The following KAZN variants were observed in gnomAD, a reference collection of about 807,000 sequenced individuals.
The protein encoded by KAZN is kazrin, periplakin interacting protein, also known as kazrin.
KAZN carries 40 observed loss-of-function variants against 87.4 expected under a neutral mutation model. The observed-to-expected ratio is 0.46, with a 90% CI of 0.36 to 0.60. The LOEUF is 0.60. Ranked by LOEUF, KAZN falls within the 20% of genes least tolerant of loss-of-function variation. The probability of loss-of-function intolerance (pLI) is 0.00; values close to 1 mark genes in which losing one functional copy is unlikely to be tolerated. For synonymous variants in KAZN, 466 were observed against 458.3 expected (o/e 1.02, Z -0.22); for missense variants, 898 against 1,073.9 (o/e 0.84, Z 2.29).
chr1:14,793,901 C>T (rs778193005), intron 1 of KAZN, among the ~76,000 whole-genome samples: 11 of 152,180 alleles, frequency 7.2e-5, no homozygotes, highest in Non-Finnish European at 1.3e-4. Flanking sequence ...CTCCCCAGGC[C>T]GTGCCCTCGC....
At chr1:14,881,810 T>G (rs41491744) in intron 1 of KAZN, among the ~76,000 whole-genome samples, 5,164 of 152,300 alleles carry the variant, frequency 0.034, 120 homozygotes, top group Non-Finnish European at 0.047. Flanking sequence ...GGGATAAGAT[T>G]ACTATTTTCT....
At chr1:14,691,693 G>T (rs539889167) in intron 1 of KAZN, among the ~76,000 whole-genome samples, 60 of 152,144 alleles carry the variant, frequency 3.9e-4, no homozygotes, top group Admixed American at 8.5e-4. Context: ...TGCCATGTTG[G>T]CCAGGCTGGT....
At chr1:14,511,280 G>A (rs1670891257) in intron 2 of KAZN, among the ~76,000 whole-genome samples, 1 of 152,140 alleles carries the variant, frequency 6.6e-6, no homozygotes, top group African/African-American at 2.4e-5. Context: ...ACTTTACCCA[G>A]GAGAGACACA....
At chr1:14,652,833 G>A (rs537146004) in intron 1 of KAZN, among the ~76,000 whole-genome samples, 2 of 151,968 alleles carry the variant, frequency 1.3e-5, no homozygotes, top group South Asian at 4.2e-4. Flanking sequence ...TCAAGTTGGG[G>A]AGATTTTGCT....
Position 14,107,707 on chromosome 1 carries a change from G to A in KAZN, c.92-72728G>A, listed in dbSNP as rs563210756. On this transcript the variant is annotated intron_variant, in intron 1 of 16. Coordinates refer to the KAZN transcript ENST00000636203. ...GGAGATCCTATGAGATAGGGTGGGC[G>A]GAAGCTCCATTTTAACCAGATCATG... is the stretch of plus-strand genomic sequence containing the variant. 7.1e-4 allele frequency among the ~76,000 whole-genome samples: 108 copies of A among 152,222 alleles called. 1 individual carries two copies. The highest frequency in any genetic ancestry group is 2.5e-3 in the African/African-American group (102 of 41,512).
chr1:15,064,352 C>T (rs1444442330), intron 7 of KAZN, among the ~76,000 whole-genome samples: 1 of 152,136 alleles, frequency 6.6e-6, no homozygotes, highest in East Asian at 1.9e-4. Flanking sequence ...TTCTGATCCA[C>T]CAGGTACAGG....
chr1:14,294,382 T>C (rs1653953362), intron 2 of KAZN, among the ~76,000 whole-genome samples: 1 of 152,102 alleles, frequency 6.6e-6, no homozygotes, highest in African/African-American at 2.4e-5. Flanking sequence ...TATACTGCAG[T>C]CTCAAAAACA....
chr1:15,071,407 A>G (rs1179703675), intron 8 of KAZN, among the ~76,000 whole-genome samples: 1 of 151,986 alleles, frequency 6.6e-6, no homozygotes, highest in Non-Finnish European at 1.5e-5. Flanking sequence ...ATGCATCACC[A>G]CACCCGGCTA....
intron 2 of KAZN, among the ~76,000 whole-genome samples, chr1:15,002,449 G>A (rs1053751296): frequency 6.6e-6 from 1 of 152,184 alleles, no homozygotes. Context: ...TCGTGCCATA[G>A]AGAGGACAGC....
intron 1 of KAZN, among the ~76,000 whole-genome samples, chr1:14,755,968 T>C (rs1173954909): frequency 6.6e-6 from 1 of 152,162 alleles, no homozygotes; most frequent in Non-Finnish European, 1.5e-5. Context: ...GTGTCTAGAA[T>C]GGTACCAAGG....
intron 1 of KAZN, among the ~76,000 whole-genome samples, chr1:14,001,985 G>C (rs1639812997): frequency 6.6e-6 from 1 of 152,100 alleles, no homozygotes; most frequent in Admixed American, 6.6e-5. Context: ...TGCAACAAAA[G>C]CCAAAATTGG....
intron 2 of KAZN, among the ~76,000 whole-genome samples, chr1:14,482,157 G>A (rs188991345): frequency 1.2e-3 from 189 of 152,312 alleles, no homozygotes; most frequent in Non-Finnish European, 2.4e-3. Context: ...CTCCGGGACA[G>A]GTGCCATCTA....
At chr1:14,363,736 G>A (rs1457175574) in intron 2 of KAZN, among the ~76,000 whole-genome samples, 1 of 152,152 alleles carries the variant, frequency 6.6e-6, no homozygotes, top group Non-Finnish European at 1.5e-5. Flanking sequence ...AAGAACAAGA[G>A]ACAGTGACCA....
intron 1 of KAZN, among the ~76,000 whole-genome samples, chr1:13,911,304 C>T (rs1639644157): frequency 6.6e-6 from 1 of 152,198 alleles, no homozygotes; most frequent in South Asian, 2.1e-4. Context: ...CTGCCTCGGC[C>T]TCCCAAAGTG....
chr1:14,502,451 A>G (rs747946005), intron 2 of KAZN, among the ~76,000 whole-genome samples: 4 of 152,088 alleles, frequency 2.6e-5, no homozygotes, highest in Non-Finnish European at 4.4e-5. Context: ...TAAATTCTCA[A>G]TTTCTGGGTT....
chr1:14,514,408 ATATATAAAT>A lies in KAZN; in HGVS notation c.250-84574_250-84566del, dbSNP rs1557769889. On this transcript the variant is annotated intron_variant, in intron 2 of 16. Coordinates refer to the KAZN transcript ENST00000636203. ...TATATTATATATATTTATATATATA[ATATATAAAT>A]ATATATATAATATATATAATTGCAA... Among the ~76,000 whole-genome samples, 7 of 15,324 alleles carry A rather than the reference ATATATAAAT, an allele frequency of 4.6e-4. 2 individuals are homozygous for A. Among genetic ancestry groups the A allele is most frequent in the African/African-American group, 7.6e-4 (4 of 5,288 alleles). The allele number at this position is 15,324 out of a possible 152,430, so 10.1% of individuals were successfully genotyped here.
chr1:14,674,646 G>T (rs1379933371), intron 1 of KAZN, among the ~76,000 whole-genome samples: 1 of 152,230 alleles, frequency 6.6e-6, no homozygotes, highest in Non-Finnish European at 1.5e-5. Context: ...TTCACTCTGG[G>T]ATGCTGCTAT....
intron 1 of KAZN, among the ~76,000 whole-genome samples, chr1:14,951,905 G>A (rs1248439130): frequency 1.3e-5 from 2 of 152,168 alleles, no homozygotes; most frequent in African/African-American, 4.8e-5. Context: ...TAGCAAGAGT[G>A]GTGGCCAAGG....
intron 2 of KAZN, among the ~76,000 whole-genome samples, chr1:14,263,531 T>C (rs895085142): frequency 8.5e-5 from 13 of 152,172 alleles, no homozygotes; most frequent in African/African-American, 2.9e-4. Context: ...TCTCTTGTCA[T>C]CACGTCAGCC....
Sources: allele counts gnomAD v4.1 joint callset (sites outside exome capture counted in the v4.1 genomes callset), GRCh38; gene constraint gnomAD v4.1.1; transcripts MANE v1.5; gene names NCBI Gene and HGNC (gene_info 2026-07-23, HGNC 2026-07-21).